TECR: variants seen among roughly 807,000 people sequenced by gnomAD.
TECR encodes the protein very-long-chain enoyl-CoA reductase.
Under a neutral mutation model 50.6 loss-of-function variants are expected in TECR, and 19 were observed. That is an observed-to-expected ratio of 0.38 (90% CI 0.26 to 0.55). The LOEUF is 0.55. TECR is among the 20% of genes least tolerant of loss of function. TECR has a pLI of 0.79. For missense variants in TECR, 313 were observed against 408.3 expected, an observed-to-expected ratio of 0.77 and a Z score of 2.01; for synonymous variants, 168 against 163.5, an observed-to-expected ratio of 1.03 and a Z score of -0.21.
At chr19:14,562,427 A>G in intron 1 of TECR, 98 bp from the exon 2 acceptor site, 1 of 1,356,770 alleles carries the variant, frequency 7.4e-7, no homozygotes, top group Non-Finnish European at 1.1e-6. Flanking sequence ...TTGGCCCGGG[A>G]GGCCACCCCA....
intron 1 of TECR, among the ~76,000 whole-genome samples, chr19:14,541,907 C>T (rs539804893): frequency 2.4e-4 from 37 of 151,740 alleles, no homozygotes; most frequent in African/African-American, 8.7e-4. Context: ...CTCAGCCTCC[C>T]GATTGGCTGG....
intron 8 of TECR, 36 bp downstream of exon 8, chr19:14,564,894 G>C (rs2074028207): frequency 6.2e-7 from 1 of 1,613,762 alleles, no homozygotes; most frequent in Non-Finnish European, 8.5e-7. Context: ...CTCCCCCACG[G>C]TCCCCACCCA....
At chr19:14,551,931 C>T (rs149151643) in intron 1 of TECR, among the ~76,000 whole-genome samples, 39,636 of 104,428 alleles carry the variant, frequency 0.38, 8,115 homozygotes, top group Non-Finnish European at 0.44. Context: ...CCCTCCCTCT[C>T]TCTCTCCCTC....
intron 1 of TECR, among the ~76,000 whole-genome samples, chr19:14,545,387 C>T (rs956695636): frequency 1.3e-5 from 2 of 152,150 alleles, no homozygotes; most frequent in African/African-American, 4.8e-5. Flanking sequence ...CGGGCACACC[C>T]ACTGTGGCCC....
chr19:14,543,219 A>G (rs1599437393), intron 1 of TECR, among the ~76,000 whole-genome samples: 1 of 132,930 alleles, frequency 7.5e-6, no homozygotes, highest in Non-Finnish European at 1.6e-5. Flanking sequence ...CTAACTCAGG[A>G]GGTGGGCAGA....
intron 1 of TECR, among the ~76,000 whole-genome samples, chr19:14,548,940 C>T (rs1019252201): frequency 3.9e-5 from 6 of 152,054 alleles, no homozygotes; most frequent in South Asian, 2.1e-4. Context: ...GTGAGCATGG[C>T]GTGTTCAATA....
In TECR at chr19:14,564,981, G is replaced by A. The variant is rs1189016830; in HGVS notation, c.595G>A (p.Ala199Thr). ...AGCTCAGCAGGTGAAACTGGCGCTC[G>A]CCATCTTTGTGGTAAGGAGGCTGGG... Reference protein sequence around the residue: ...YGAQQVKLALAIFVICQLGNF... With the variant: ...YGAQQVKLALTIFVICQLGNF... The change falls in exon 9 of 13, where the codon GCC (alanine) becomes ACC (threonine). Residue 199 changes from alanine to threonine, a missense_variant. Ala to Thr is a moderately conservative substitution (Grantham distance 58, BLOSUM62 0). Transcript: ENST00000215567. 9 of 1,613,862 alleles carry A rather than the reference G, an allele frequency of 5.6e-6. No individual in the cohort carries two copies. The East Asian group carries it at 1.6e-4, about 28-fold the overall frequency.
chr19:14,541,929 A>G (rs1444113373), intron 1 of TECR, among the ~76,000 whole-genome samples: 1 of 151,684 alleles, frequency 6.6e-6, no homozygotes, highest in Non-Finnish European at 1.5e-5. Context: ...ATTACCAGCT[A>G]ACGTGCCACC....
intron 1 of TECR, among the ~76,000 whole-genome samples, chr19:14,542,357 T>TTTTTTTTTG (rs1568404136): frequency 3.3e-5 from 4 of 122,670 alleles, no homozygotes; most frequent in Non-Finnish European, 5.2e-5. Flanking sequence ...GTTTTTTTTT[T>TTTTTTTTTG]TTTTTTTTTT....
intron 7 of TECR, 48 bp downstream of exon 7, chr19:14,564,335 A>ACCCCG: frequency 6.3e-6 from 6 of 959,738 alleles, no homozygotes; most frequent in Non-Finnish European, 7.6e-6. Flanking sequence ...TTTCTGCCCC[A>ACCCCG]CCCCGCCCCG....
chr19:14,529,901 A>C lies in TECR; in HGVS notation c.15+190A>C, dbSNP rs1012227702. The C allele has an allele frequency of 6.7e-5, 53 of 790,354 alleles. 1 individual carries two copies. The highest frequency in any genetic ancestry group is 1.9e-4 in the East Asian group (7 of 37,074). The allele number at this position is 790,354 out of a possible 1,614,324, so 49.0% of individuals were successfully genotyped here. ...ATGCGCATGTGCGCAGGAAGTATTT[A>C]TAAATCTGCAACCCAGGCTGTTTTG... On this transcript the variant is annotated intron_variant, in intron 1 of 12. Transcript: ENST00000215567.
intron 1 of TECR, chr19:14,529,914 C>G: frequency 1.4e-6 from 1 of 739,740 alleles, no homozygotes; most frequent in Non-Finnish European, 2.3e-6. Flanking sequence ...AATCTGCAAC[C>G]CAGGCTGTTT....
At chr19:14,562,708 G>A in intron 2 of TECR, 133 bp downstream of exon 2, 1 of 1,012,532 alleles carries the variant, frequency 9.9e-7, no homozygotes, top group Non-Finnish European at 1.5e-6. Flanking sequence ...GCCCTCACTT[G>A]GGGTAGGGTG....
intron 1 of TECR, among the ~76,000 whole-genome samples, chr19:14,535,479 C>T (rs1287389155): frequency 8.4e-6 from 1 of 119,718 alleles, no homozygotes; most frequent in Non-Finnish European, 1.6e-5. Context: ...TGCACTCCAG[C>T]CTGGGCGACA....
upstream of TECR, chr19:14,529,009 A>C (rs561151605): frequency 6.5e-6 from 1 of 153,636 alleles, no homozygotes; most frequent in Admixed American, 6.5e-5. Context: ...AAGCCACCCC[A>C]GAATGGGGCT....
At chr19:14,564,661 G>T in intron 7 of TECR, 125 bp from the exon 8 acceptor site, 4 of 686,268 alleles carry the variant, frequency 5.8e-6, no homozygotes, top group South Asian at 4.4e-5. Flanking sequence ...ATCCTCCCCA[G>T]CCCCGCCCCA....
intron 1 of TECR, chr19:14,529,977 C>A: frequency 1.8e-6 from 1 of 563,806 alleles, no homozygotes. Flanking sequence ...CTTGCAGGTT[C>A]CTTGCAGCTC....
chr19:14,552,334 T>G (rs1395950966), intron 1 of TECR, among the ~76,000 whole-genome samples: 1 of 148,108 alleles, frequency 6.8e-6, no homozygotes, highest in Non-Finnish European at 1.5e-5. Flanking sequence ...GTGCCCGGCC[T>G]GCCTTTTCCT....
At chr19:14,544,721 C>G (rs1027783452) in intron 1 of TECR, among the ~76,000 whole-genome samples, 4 of 151,362 alleles carry the variant, frequency 2.6e-5, no homozygotes, top group Non-Finnish European at 4.4e-5. Flanking sequence ...GCAACTCCAA[C>G]TCCTGGGTTC....
Sources: gnomAD v4.1 joint callset for allele counts (sites outside exome capture counted in the v4.1 genomes callset) on GRCh38, gnomAD v4.1.1 for gene constraint, MANE v1.5 for transcripts, NCBI Gene and HGNC (gene_info 2026-07-23, HGNC 2026-07-21) for gene names.